The following UTRN variants were observed in gnomAD, a reference collection of about 807,000 sequenced individuals.
The protein encoded by UTRN is dystrophin-related protein 1.
Under a neutral mutation model 463.9 loss-of-function variants are expected in UTRN, and 283 were observed. That is an observed-to-expected ratio of 0.61 (90% confidence interval 0.55 to 0.67). The LOEUF (loss-of-function observed/expected upper bound fraction) is 0.67, where lower values mean the gene tolerates loss of function less well. Ranked by LOEUF, UTRN falls within the 30% of genes least tolerant of loss-of-function variation. UTRN has a pLI of 0.00. For missense variants in UTRN, 3,922 were observed against 4,084.3 expected, an observed-to-expected ratio of 0.96 and a Z score of 1.08; for synonymous variants, 1,442 against 1,431.5, an observed-to-expected ratio of 1.01 and a Z score of -0.17.
At chr6:144,571,303 A>T (rs1202797876) in intron 50 of UTRN, among the ~76,000 whole-genome samples, 2 of 152,188 alleles carry the variant, frequency 1.3e-5, no homozygotes, top group African/African-American at 4.8e-5. Context: ...AACTACTCAA[A>T]TTCTAGTGGG....
intron 74 of UTRN, among the ~76,000 whole-genome samples, chr6:144,848,184 G>A (rs1782184604): frequency 6.6e-6 from 1 of 152,130 alleles, no homozygotes; most frequent in Non-Finnish European, 1.5e-5. Flanking sequence ...AGAGACTGGA[G>A]GATGTGTGAT....
chr6:144,797,732 C>T, intron 63 of UTRN, 92 bp from the exon 64 acceptor site: 1 of 1,336,462 alleles, frequency 7.5e-7, no homozygotes. Context: ...TCCTCTTCTG[C>T]ACAAATTTTC....
chr6:144,713,432 C>G (rs202217839), intron 53 of UTRN, among the ~76,000 whole-genome samples: 1 of 137,154 alleles, frequency 7.3e-6, no homozygotes, highest in Non-Finnish European at 1.5e-5. Flanking sequence ...ATGGTGAAAC[C>G]CCATCTCTAC....
rs868460256 is a variant in UTRN, at chr6:144,490,938, C to T, written c.4273C>T (p.Arg1425Ter). The T allele has an allele frequency of 1.3e-6, 2 of 1,598,948 alleles. No homozygotes were observed. Among genetic ancestry groups the T allele is most frequent in the Non-Finnish European group, 8.5e-7 (1 of 1,172,672 alleles). The change falls in exon 32 of 75, where the codon CGA becomes TGA. Residue 1425 changes from arginine (R) to a stop codon, truncating the protein, a stop_gained. Coordinates refer to ENST00000367545, the MANE Select transcript of UTRN (RefSeq NM_007124.3). LOFTEE classifies it high-confidence loss of function. The part of the protein sequence containing the change: ...SQMDVLQRKL[R>*]EVSTKFQLFQ... ...TCATTTCTGCAAACAGAGGAAACTC[C>T]GAGAGGTGTCCACAAAGTTCCAGCT...
intron 65 of UTRN, among the ~76,000 whole-genome samples, chr6:144,808,949 A>C (rs746463617): frequency 1.3e-4 from 20 of 152,144 alleles, no homozygotes; most frequent in Non-Finnish European, 2.9e-4. Context: ...GGCTATTGTG[A>C]ATAATGCTAC....
At chr6:144,526,528 T>G (rs990335671) in intron 41 of UTRN, among the ~76,000 whole-genome samples, 2 of 152,178 alleles carry the variant, frequency 1.3e-5, no homozygotes, top group Non-Finnish European at 2.9e-5. Flanking sequence ...TCCATTTGGA[T>G]GGACTGTTAT....
intron 2 of UTRN, among the ~76,000 whole-genome samples, chr6:144,337,186 C>A (rs1009512815): frequency 7.9e-6 from 1 of 127,176 alleles, no homozygotes; most frequent in African/African-American, 4.6e-5. Flanking sequence ...CAGACACACA[C>A]ACACACACCA....
At chr6:144,767,881 TAACA>T (rs1385753495) in intron 58 of UTRN, among the ~76,000 whole-genome samples, 2 of 152,218 alleles carry the variant, frequency 1.3e-5, no homozygotes, top group African/African-American at 2.4e-5. Flanking sequence ...GAATGATATA[TAACA>T]AACCTCACAA....
chr6:144,630,489 G>C (rs1396743255), intron 51 of UTRN, among the ~76,000 whole-genome samples: 3 of 152,168 alleles, frequency 2.0e-5, no homozygotes, highest in Non-Finnish European at 2.9e-5. Flanking sequence ...GAGAGTGTGT[G>C]AGGGGAACTC....
intron 3 of UTRN, among the ~76,000 whole-genome samples, chr6:144,404,434 C>T (rs1783208584): frequency 6.6e-6 from 1 of 152,158 alleles, no homozygotes; most frequent in Admixed American, 6.5e-5. Flanking sequence ...TGCATGTGAC[C>T]ATTTTCCAGA....
intron 60 of UTRN, among the ~76,000 whole-genome samples, chr6:144,780,065 TCAGA>T (rs2128737518): frequency 6.6e-6 from 1 of 152,332 alleles, no homozygotes; most frequent in African/African-American, 2.4e-5. Flanking sequence ...TCTGTGTTAC[TCAGA>T]CAGCTAGCAT....
chr6:144,491,817 G>A (rs964893681), intron 32 of UTRN, among the ~76,000 whole-genome samples: 1 of 152,068 alleles, frequency 6.6e-6, no homozygotes, highest in Non-Finnish European at 1.5e-5. Flanking sequence ...AGAAAGTGCT[G>A]TCCTTGACTT....
chr6:144,467,986 G>T (rs992011070), intron 23 of UTRN, among the ~76,000 whole-genome samples: 5 of 151,782 alleles, frequency 3.3e-5, no homozygotes, highest in Non-Finnish European at 5.9e-5. Flanking sequence ...ATAGGAACCT[G>T]GCTGCCTTAA....
chr6:144,541,638 C>G (rs1163177399), intron 45 of UTRN, among the ~76,000 whole-genome samples: 1 of 152,118 alleles, frequency 6.6e-6, no homozygotes, highest in Admixed American at 6.5e-5. Context: ...TCACTTTCTG[C>G]CAGGTATCAT....
chr6:144,359,417 T>G (rs1238295325), intron 2 of UTRN, among the ~76,000 whole-genome samples: 2 of 152,186 alleles, frequency 1.3e-5, no homozygotes, highest in Non-Finnish European at 2.9e-5. Context: ...TTATTGTTGT[T>G]GGCACCATCC....
rs764321189 is a variant in UTRN at position 144,531,199 on chromosome 6, G to C, written c.6054G>C (p.Gln2018His). ...ACTTAGAGAAAGCCAGGATACATCAGCAGGTGAGTGCTTTCTGTTAGAGGA... is the reference window on the plus strand; with the variant it reads ...ACTTAGAGAAAGCCAGGATACATCACCAGGTGAGTGCTTTCTGTTAGAGGA... Reference protein sequence around the residue: ...SLDLEKARIHQQELEVGISSH... With the variant: ...SLDLEKARIHHQELEVGISSH... The change falls in exon 42 of 75, where the codon CAG becomes CAC. Residue 2018 changes from glutamine (Q) to histidine (H), a missense_variant. By Grantham distance (24) the Gln-to-His change is conservative. Transcript: ENST00000367545. 10 of 1,613,654 alleles carry C rather than the reference G, an allele frequency of 6.2e-6. No individual in the cohort carries two copies. The South Asian group carries it at 1.1e-4, about 18-fold the overall frequency.
At chr6:144,472,254 A>T (rs1790730776) in intron 23 of UTRN, among the ~76,000 whole-genome samples, 1 of 152,102 alleles carries the variant, frequency 6.6e-6, no homozygotes, top group South Asian at 2.1e-4. Flanking sequence ...AGGAATCAAC[A>T]TGGATACCAA....
Position 144,851,329 on chromosome 6 carries a change from T to C in UTRN, c.*332T>C, listed in dbSNP as rs1782468372. ...GGGAAAGTGGGTGGGGGCTTTCTAA[T>C]ATGATACCGTCTTTTTAATAACTAT... On this transcript the variant is annotated 3_prime_UTR_variant, in exon 75 of 75. Transcript: ENST00000367545. The C allele has an allele frequency of 3.7e-6, 1 of 273,720 alleles. No individual in the cohort carries two copies. The highest frequency in any genetic ancestry group is 4.8e-5 in the Admixed American group (1 of 21,010). 17.0% of individuals were successfully genotyped at this position (273,720 alleles called of 1,614,324 possible).
At chr6:144,746,281 G>A (rs887531682) in intron 54 of UTRN, among the ~76,000 whole-genome samples, 1 of 151,904 alleles carries the variant, frequency 6.6e-6, no homozygotes, top group South Asian at 2.1e-4. Context: ...GGAATTACAG[G>A]CGTGAGCTAC....
Sources: gnomAD v4.1 joint callset for allele counts (sites outside exome capture counted in the v4.1 genomes callset) on GRCh38, gnomAD v4.1.1 for gene constraint, MANE v1.5 for transcripts, NCBI Gene and HGNC (gene_info 2026-07-23, HGNC 2026-07-21) for gene names.